PCDH15: variants seen among roughly 807,000 people sequenced by gnomAD.
PCDH15 encodes protocadherin related 15.
PCDH15 carries 129 observed loss-of-function variants against 178.5 expected under a neutral mutation model. The observed-to-expected ratio is 0.72, with a 90% CI of 0.63 to 0.84. The LOEUF (loss-of-function observed/expected upper bound fraction) is 0.84, where lower values mean the gene tolerates loss of function less well. PCDH15 is among the 40% of genes least tolerant of loss of function. The probability of loss-of-function intolerance (pLI) is 0.00; values close to 1 mark genes in which losing one functional copy is unlikely to be tolerated. For missense variants in PCDH15, 2,230 were observed against 2,099.9 expected, an observed-to-expected ratio of 1.06 and a Z score of -1.21; for synonymous variants, 800 against 732.0, an observed-to-expected ratio of 1.09 and a Z score of -1.50.
At chr10:54,067,574 C>T (rs534174075) in intron 17 of PCDH15, among the ~76,000 whole-genome samples, 39 of 152,230 alleles carry the variant, frequency 2.6e-4, no homozygotes, top group East Asian at 7.7e-4. Context: ...CAATGACTAT[C>T]TTCATAAGTG....
chr10:54,511,919 A>T (rs2081711813), intron 3 of PCDH15, among the ~76,000 whole-genome samples: 1 of 151,976 alleles, frequency 6.6e-6, no homozygotes, highest in Non-Finnish European at 1.5e-5. Flanking sequence ...TTTGAAGCCC[A>T]GTTGGACACT....
chr10:55,029,078 T>C (rs1187933973), intron 2 of PCDH15, among the ~76,000 whole-genome samples: 1 of 151,980 alleles, frequency 6.6e-6, no homozygotes, highest in African/African-American at 2.4e-5. Context: ...ATTGAGTAAC[T>C]TGCTGTAAGT....
At chr10:55,095,514 C>T (rs367758705) in intron 2 of PCDH15, among the ~76,000 whole-genome samples, 22 of 152,096 alleles carry the variant, frequency 1.4e-4, no homozygotes, top group East Asian at 1.4e-3. Context: ...AAATCTTCCA[C>T]GCTCTTGTCC....
intron 2 of PCDH15, among the ~76,000 whole-genome samples, chr10:54,922,916 G>A (rs73264079): frequency 0.049 from 7,426 of 152,252 alleles, 582 homozygotes; most frequent in African/African-American, 0.17. Flanking sequence ...TCACTAGGGA[G>A]TGCCCCTGTG....
At chr10:54,112,359 A>G (rs12260928) in intron 15 of PCDH15, among the ~76,000 whole-genome samples, 46,457 of 151,210 alleles carry the variant, frequency 0.31, 8,373 homozygotes, top group East Asian at 0.86. Context: ...GTCCCCAGTC[A>G]TGATAAACAA....
chr10:54,435,471 T>A (rs2075319566), intron 3 of PCDH15, among the ~76,000 whole-genome samples: 1 of 152,184 alleles, frequency 6.6e-6, no homozygotes, highest in African/African-American at 2.4e-5. Flanking sequence ...CTGGACTATA[T>A]TGCAGACAAA....
In PCDH15 at chr10:54,253,625, G is replaced by A. The variant is rs2056675750; in HGVS notation, c.877-16694C>T. ...CTGATATAAATTATGTTATACAGCAGCATTTAAAAGAGATATTAGTGATTA... is the reference window on the plus strand; with the variant it reads ...CTGATATAAATTATGTTATACAGCAACATTTAAAAGAGATATTAGTGATTA... On this transcript the variant is annotated intron_variant, in intron 8 of 37. Transcript: ENST00000644397. 3.9e-5 allele frequency among the ~76,000 whole-genome samples: 6 copies of A among 152,028 alleles called. No homozygotes were observed. The South Asian group carries it at 1.2e-3, about 31-fold the overall frequency.
At position 53,920,371 on chromosome 10, in the gene PCDH15, T is replaced by C. The variant is rs544887716; in HGVS notation, c.3374-17001A>G. 1.9e-4 allele frequency among the ~76,000 whole-genome samples: 29 copies of C among 152,212 alleles called. No homozygotes were observed. In the East Asian group the frequency reaches 5.0e-3, roughly 26 times the overall value. ...TTTAATAAAAATAGTGGATAAATTA[T>C]GTAAAAGTGCATATAAGTGTATGTA... is the stretch of plus-strand genomic sequence containing the variant. On this transcript the variant is annotated intron_variant, in intron 25 of 37. Coordinates refer to ENST00000644397, the MANE Select transcript of PCDH15 (RefSeq NM_001384140.1).
At chr10:54,955,532 C>T (rs907212974) in intron 2 of PCDH15, among the ~76,000 whole-genome samples, 4 of 151,236 alleles carry the variant, frequency 2.6e-5, no homozygotes, top group African/African-American at 9.7e-5. Context: ...ATATTTTCTT[C>T]CATAGCCCTC....
intron 3 of PCDH15, among the ~76,000 whole-genome samples, chr10:54,471,680 C>T (rs949270819): frequency 1.3e-5 from 2 of 150,660 alleles, no homozygotes; most frequent in African/African-American, 4.9e-5. Context: ...AATATAGTTT[C>T]CTGCATATTC....
intron 6 of PCDH15, among the ~76,000 whole-genome samples, chr10:54,339,146 A>C (rs1352991853): frequency 6.6e-6 from 1 of 152,220 alleles, no homozygotes; most frequent in Non-Finnish European, 1.5e-5. Context: ...GCCCAACACA[A>C]ACATGTAAAT....
At chr10:54,414,189 A>T (rs1465361147) in intron 3 of PCDH15, among the ~76,000 whole-genome samples, 1 of 152,164 alleles carries the variant, frequency 6.6e-6, no homozygotes. Context: ...AAACAATAAC[A>T]TGTCCTAGAA....
At chr10:53,970,209 C>G (rs965555387) in intron 21 of PCDH15, among the ~76,000 whole-genome samples, 2 of 152,050 alleles carry the variant, frequency 1.3e-5, no homozygotes, top group African/African-American at 4.8e-5. Context: ...GGGTTGCAAT[C>G]CTAGTCTCTG....
intron 2 of PCDH15, among the ~76,000 whole-genome samples, chr10:55,158,647 T>A (rs1838965504): frequency 6.8e-6 from 1 of 146,378 alleles, no homozygotes; most frequent in South Asian, 2.1e-4. Flanking sequence ...ATACATGAAA[T>A]CATTAAAGAA....
intron 3 of PCDH15, among the ~76,000 whole-genome samples, chr10:54,467,601 G>GT (rs67776985): frequency 0.16 from 7,237 of 45,922 alleles, 32 homozygotes; most frequent in Non-Finnish European, 0.18. Flanking sequence ...TCAAGCTGTA[G>GT]TTTTTTTTTT....
chr10:55,021,186 T>C (rs1277830836), intron 2 of PCDH15, among the ~76,000 whole-genome samples: 3 of 152,180 alleles, frequency 2.0e-5, no homozygotes, highest in African/African-American at 7.2e-5. Context: ...TCTTTATATC[T>C]AACCTTTGTT....
intron 25 of PCDH15, among the ~76,000 whole-genome samples, chr10:53,916,042 T>C (rs991693012): frequency 1.3e-5 from 2 of 152,294 alleles, no homozygotes; most frequent in East Asian, 1.9e-4. Flanking sequence ...ATATAACATA[T>C]ACACATCTTC....
At chr10:54,164,475 T>G (rs1194373139) in intron 13 of PCDH15, among the ~76,000 whole-genome samples, 12 of 152,164 alleles carry the variant, frequency 7.9e-5, no homozygotes, top group Non-Finnish European at 1.6e-4. Flanking sequence ...AGAATTGAAT[T>G]TACGTGTGTA....
At chr10:54,392,976 T>C (rs1195593992) in intron 3 of PCDH15, among the ~76,000 whole-genome samples, 1 of 151,858 alleles carries the variant, frequency 6.6e-6, no homozygotes, top group Non-Finnish European at 1.5e-5. Context: ...CTAAGGGAAG[T>C]ACATCATAAC....
Sources: allele counts gnomAD v4.1 joint callset (sites outside exome capture counted in the v4.1 genomes callset), GRCh38; gene constraint gnomAD v4.1.1; transcripts MANE v1.5; gene names NCBI Gene and HGNC (gene_info 2026-07-23, HGNC 2026-07-21).